Variants in IRAK3 observed in about 807,000 individuals in gnomAD.
IRAK3 encodes the protein interleukin 1 receptor associated kinase 3, also known as interleukin-1 receptor-associated kinase 3.
Under a neutral mutation model 56.6 loss-of-function variants are expected in IRAK3, and 57 were observed. That is an observed-to-expected ratio of 1.01 (90% CI 0.81 to 1.26). IRAK3 has a LOEUF of 1.26. Ranked by LOEUF, IRAK3 falls within the 50% of genes most tolerant of loss-of-function variation. The pLI, the probability that IRAK3 is intolerant of heterozygous loss-of-function variation, is 0.00. For synonymous variants in IRAK3, 258 were observed against 255.7 expected (o/e 1.01, Z -0.09); for missense variants, 703 against 719.0 (o/e 0.98, Z 0.25).
At chr12:66,230,303 G>A (rs1358343972) in intron 8 of IRAK3, among the ~76,000 whole-genome samples, 3 of 152,212 alleles carry the variant, frequency 2.0e-5, no homozygotes, top group African/African-American at 7.2e-5. Flanking sequence ...TTTACCTGCA[G>A]GAGGTTTTTA....
chr12:66,207,050 T>TC (rs2052565054), intron 2 of IRAK3, among the ~76,000 whole-genome samples: 2 of 152,346 alleles, frequency 1.3e-5, no homozygotes, highest in East Asian at 1.9e-4. Context: ...AGTATTGATG[T>TC]CCCCCCTTTT....
At chr12:66,189,494 G>C in intron 1 of IRAK3, 62 bp downstream of exon 1, 5 of 1,074,546 alleles carry the variant, frequency 4.7e-6, no homozygotes, top group Non-Finnish European at 5.7e-6. Context: ...GGGCCCGCTC[G>C]GCGTCGCCCT....
chr12:66,198,469 C>T (rs1206101995), intron 1 of IRAK3, among the ~76,000 whole-genome samples: 1 of 152,110 alleles, frequency 6.6e-6, no homozygotes, highest in Admixed American at 6.5e-5. Flanking sequence ...AAACCTTACC[C>T]CACGACACGA....
Position 66,247,798 on chromosome 12 carries a change from A to G in IRAK3, c.1418A>G (p.Asn473Ser). 1 of 1,614,148 alleles carries G rather than the reference A, an allele frequency of 6.2e-7. No individual in the cohort carries two copies. Among genetic ancestry groups the G allele is most frequent in the Non-Finnish European group, 8.5e-7 (1 of 1,179,950 alleles). ...TGTCCTTCTCCTCTATTCCTGGAGA[A>G]TGTACCAAGTATTCCAGTGGAAGAT... ...FRCPSPLFLE[N>S]VPSIPVEDDE... Residue 473 changes from asparagine to serine, a missense_variant, in exon 12 of 12, where the codon AAT becomes AGT. Transcript: ENST00000261233.
intron 1 of IRAK3, chr12:66,197,198 C>T (rs751897652): frequency 4.0e-6 from 5 of 1,259,360 alleles, no homozygotes; most frequent in Non-Finnish European, 3.0e-6. Context: ...GCTTAACTAA[C>T]AGCATGTTTT....
chr12:66,244,963 C>G lies in IRAK3; in HGVS notation c.1102C>G (p.Leu368Val). 1 of 1,612,460 alleles carries G rather than the reference C, an allele frequency of 6.2e-7. No homozygotes were observed. Among genetic ancestry groups the G allele is most frequent in the Non-Finnish European group, 8.5e-7 (1 of 1,178,556 alleles). Residue 368 changes from leucine to valine, a missense_variant, in exon 10 of 12, where the codon CTA (leucine) becomes GTA (valine). Physicochemically the swap from Leu to Val is conservative, Grantham distance 32 (BLOSUM62 1). Coordinates refer to ENST00000261233, the MANE Select transcript of IRAK3 (RefSeq NM_007199.3). The part of the protein sequence containing the change: ...YSFGIVIMEV[L>V]TGCRVVLDDP... ...TTCCTTGTAGGTAATAATGGAAGTT[C>G]TAACAGGATGTAGAGTAGTGTTAGA... is the stretch of plus-strand genomic sequence containing the variant.
chr12:66,191,491 A>G (rs1345682883), intron 1 of IRAK3, among the ~76,000 whole-genome samples: 1 of 152,142 alleles, frequency 6.6e-6, no homozygotes, highest in Admixed American at 6.6e-5. Context: ...CCCTTTGTGT[A>G]TTCATTCTCT....
intron 5 of IRAK3, among the ~76,000 whole-genome samples, chr12:66,214,445 G>A (rs968652522): frequency 1.3e-5 from 2 of 152,136 alleles, no homozygotes; most frequent in Admixed American, 6.6e-5. Context: ...AGAGGCTGAG[G>A]TGAGAGGATT....
At chr12:66,247,344 G>T (rs1298320806) in intron 11 of IRAK3, among the ~76,000 whole-genome samples, 2 of 152,078 alleles carry the variant, frequency 1.3e-5, no homozygotes, top group African/African-American at 4.8e-5. Context: ...TTACAGGTTG[G>T]GCCCACCATT....
intron 11 of IRAK3, among the ~76,000 whole-genome samples, chr12:66,245,689 C>T (rs536830430): frequency 2.0e-5 from 3 of 151,704 alleles, no homozygotes; most frequent in East Asian, 1.9e-4. Context: ...CGAGCCACCA[C>T]GCCTGGCTAA....
chr12:66,201,365 C>G (rs2052505907), intron 1 of IRAK3, among the ~76,000 whole-genome samples: 1 of 152,150 alleles, frequency 6.6e-6, no homozygotes, highest in Non-Finnish European at 1.5e-5. Context: ...TCCCCCGTGA[C>G]CACCTTCAGA....
At chr12:66,219,854 A>C (rs1035051467) in intron 6 of IRAK3, among the ~76,000 whole-genome samples, 1 of 152,166 alleles carries the variant, frequency 6.6e-6, no homozygotes, top group African/African-American at 2.4e-5. Context: ...GTCTTCTTTG[A>C]AAAACTATCT....
chr12:66,234,360 A>G (rs2052879354), intron 8 of IRAK3: 3 of 1,612,422 alleles, frequency 1.9e-6, no homozygotes, highest in East Asian at 2.2e-5. Flanking sequence ...TGTAGAATAT[A>G]TGGTTGAGGT....
In IRAK3 at chr12:66,248,865, G is replaced by A. The variant is rs901373675; in HGVS notation, c.*694G>A. On this transcript the variant is annotated 3_prime_UTR_variant, in exon 12 of 12. Transcript: ENST00000261233. ...TTAGTGACCTATTATATCTTAAGGA[G>A]ACTATGTGAAATGTCCATCAAGTAA... 1 of 152,182 alleles carries A rather than the reference G, an allele frequency of 6.6e-6. No homozygotes were observed. Among genetic ancestry groups the A allele is most frequent in the Admixed American group, 6.5e-5 (1 of 15,278 alleles). 9.4% of individuals were successfully genotyped at this position (152,182 alleles called of 1,614,324 possible). A position where few individuals can be genotyped will look rare whatever the true frequency, so the allele number is the denominator to read the frequency against.
At chr12:66,190,940 C>G (rs2052393066) in intron 1 of IRAK3, among the ~76,000 whole-genome samples, 1 of 152,202 alleles carries the variant, frequency 6.6e-6, no homozygotes, top group Non-Finnish European at 1.5e-5. Flanking sequence ...TTTCTGGCAT[C>G]AAAGAACAAT....
intron 2 of IRAK3, among the ~76,000 whole-genome samples, chr12:66,204,778 G>GCGCGCGCGCACACA (rs1026097833): frequency 7.6e-4 from 112 of 147,914 alleles, no homozygotes; most frequent in African/African-American, 2.7e-3. Flanking sequence ...GAGCCCTTGC[G>GCGCGCGCGCACACA]CACACACACA....
chr12:66,220,773 G>T (rs897725244), intron 6 of IRAK3, among the ~76,000 whole-genome samples: 9 of 152,054 alleles, frequency 5.9e-5, no homozygotes, highest in Non-Finnish European at 1.0e-4. Flanking sequence ...GCCCGCCTCG[G>T]CCTCCCAAAG....
chr12:66,217,324 GA>G, intron 6 of IRAK3, 89 bp downstream of exon 6: 1 of 962,950 alleles, frequency 1.0e-6, no homozygotes, highest in East Asian at 2.4e-5. Context: ...AGCTTGGCGT[GA>G]CATGTAATAA....
At chr12:66,195,351 C>G (rs931076433) in intron 1 of IRAK3, among the ~76,000 whole-genome samples, 3 of 152,224 alleles carry the variant, frequency 2.0e-5, no homozygotes, top group African/African-American at 7.2e-5. Context: ...CTCCCTGCTA[C>G]TGCCCTTGAC....
Sources: allele counts gnomAD v4.1 joint callset (sites outside exome capture counted in the v4.1 genomes callset), GRCh38; gene constraint gnomAD v4.1.1; transcripts MANE v1.5; gene names NCBI Gene and HGNC (gene_info 2026-07-23, HGNC 2026-07-21).